GSAP: variants seen among roughly 807,000 people sequenced by gnomAD.
GSAP encodes gamma-secretase activating protein.
A neutral mutation model predicts 131.7 loss-of-function variants in GSAP; 118 were observed. The ratio of observed to expected loss-of-function variants is 0.90; its 90% CI spans 0.77 to 1.04. The LOEUF is 1.04. Among genes scored for constraint, GSAP ranks in the 50% least tolerant of loss-of-function variants. The pLI, the probability that GSAP is intolerant of heterozygous loss-of-function variation, is 0.00. For missense variants in GSAP, 1,019 were observed against 1,013.2 expected (o/e 1.01, Z -0.08); for synonymous variants, 381 against 363.4 (o/e 1.05, Z -0.55).
chr7:77,411,005 T>C (rs1180339170), intron 1 of GSAP, among the ~76,000 whole-genome samples: 1 of 139,966 alleles, frequency 7.1e-6, no homozygotes, highest in Non-Finnish European at 1.5e-5. Flanking sequence ...CTGAGTAAAA[T>C]GAAGTTAAGA....
chr7:77,334,553 T>C (rs1202811661), intron 19 of GSAP, among the ~76,000 whole-genome samples: 1 of 129,590 alleles, frequency 7.7e-6, no homozygotes, highest in Non-Finnish European at 1.6e-5. Flanking sequence ...CTGCATGTCC[T>C]GCCCATGTAT....
Position 77,404,597 on chromosome 7 carries a change from C to T in GSAP, c.205G>A (p.Val69Ile), listed in dbSNP as rs372119431. 32 of 1,550,190 alleles carry T rather than the reference C, an allele frequency of 2.1e-5. No homozygotes were observed. Among genetic ancestry groups the T allele is most frequent in the African/African-American group, 9.5e-5 (7 of 73,460 alleles). Residue 69 changes from valine to isoleucine, a missense_variant, in exon 3 of 31, where the codon GTC (valine) becomes ATC (isoleucine). By Grantham distance (29) the Val-to-Ile change is conservative. Coordinates refer to ENST00000257626, the MANE Select transcript of GSAP (RefSeq NM_017439.4). The part of the protein sequence containing the change: ...YTYKDDKGNV[V>I]FGLYDCQTRQ... Reference sequence around the variant, plus strand: ...GTTTGACAATCATATAATCCAAAGACGACATTTCCCTTATCATCCTAAAAA... The same window carrying T: ...GTTTGACAATCATATAATCCAAAGATGACATTTCCCTTATCATCCTAAAAA...
At chr7:77,340,569 T>C (rs796241240) in intron 19 of GSAP, among the ~76,000 whole-genome samples, 7 of 152,338 alleles carry the variant, frequency 4.6e-5, no homozygotes, top group Middle Eastern at 3.4e-3. Context: ...TCAATCTCCC[T>C]GTCCTTCCAA....
intron 14 of GSAP, among the ~76,000 whole-genome samples, chr7:77,358,827 A>C (rs1435256814): frequency 6.6e-6 from 1 of 152,212 alleles, no homozygotes. Flanking sequence ...CCTCTAAACA[A>C]AACACTTGAT....
chr7:77,410,465 G>C (rs1489653465), intron 1 of GSAP, among the ~76,000 whole-genome samples: 3 of 152,172 alleles, frequency 2.0e-5, no homozygotes, highest in Non-Finnish European at 4.4e-5. Context: ...AGAGGAAGAA[G>C]TTTTGCAATT....
At chr7:77,351,485 T>A (rs1319570048) in intron 18 of GSAP, 10 of 976,302 alleles carry the variant, frequency 1.0e-5, no homozygotes, top group Non-Finnish European at 1.2e-5. Flanking sequence ...CAGCTAATGA[T>A]AAGCATAGAC....
intron 3 of GSAP, among the ~76,000 whole-genome samples, chr7:77,402,587 C>G (rs1346275610): frequency 6.4e-4 from 12 of 18,728 alleles, no homozygotes; most frequent in African/African-American, 1.4e-3. Flanking sequence ...GAGTGAGACT[C>G]TGTCTCAAAA....
In GSAP at chr7:77,334,579, T is replaced by TAAAAAAAA. The variant is rs1200040086; in HGVS notation, c.1546-4213_1546-4212insTTTTTTTT. On this transcript the variant is annotated intron_variant, in intron 19 of 30. Transcript: ENST00000257626. ...GCCCATGTATCCTGGAACTTAAAAT[T>TAAAAAAAA]TAAAAAAAAAAAAAAAAAAAAAAAA... Among the ~76,000 whole-genome samples the TAAAAAAAA allele has an allele frequency of 4.0e-3, 333 of 82,336 alleles. 17 individuals are homozygous for TAAAAAAAA. The highest frequency in any genetic ancestry group is 0.013 in the African/African-American group (263 of 20,366). 54.0% of individuals were successfully genotyped at this position (82,336 alleles called of 152,430 possible). A position where few individuals can be genotyped will look rare whatever the true frequency, so the allele number is the denominator to read the frequency against.
rs564950742 is a variant in GSAP at position 77,329,437 on chromosome 7, C to T, written c.1675-46G>A. 17 of 1,115,722 alleles carry T rather than the reference C, an allele frequency of 1.5e-5. No homozygotes were observed. In the South Asian group the frequency reaches 2.0e-4, roughly 13 times the overall value. 69.1% of individuals were successfully genotyped at this position (1,115,722 alleles called of 1,614,324 possible). On this transcript the variant is annotated intron_variant, in intron 20 of 30. Transcript: ENST00000257626. ...GAAATGTGGAAGGTAAAGGTTTTAT[C>T]GGTGACTTTTCACGTCAAGGATATA...
At chr7:77,382,988 C>T (rs1798015396) in intron 6 of GSAP, among the ~76,000 whole-genome samples, 2 of 152,132 alleles carry the variant, frequency 1.3e-5, no homozygotes, top group Admixed American at 1.3e-4. Flanking sequence ...GAGTTCAAGA[C>T]CAGCCTGGGC....
Position 77,323,878 on chromosome 7 carries a change from C to A in GSAP, c.1828-136G>T, listed in dbSNP as rs918302288. 33 of 523,808 alleles carry A rather than the reference C, an allele frequency of 6.3e-5. No individual in the cohort carries two copies. In the African/African-American group the frequency reaches 6.4e-4, roughly 10 times the overall value. 32.4% of individuals were successfully genotyped at this position (523,808 alleles called of 1,614,324 possible). Reference sequence around the variant, plus strand: ...TCTGAAGGTCCCATCAATGGAAATGCATAACTCTCAGTATTTCTCTGGTGA... The same window carrying A: ...TCTGAAGGTCCCATCAATGGAAATGAATAACTCTCAGTATTTCTCTGGTGA... On this transcript the variant is annotated intron_variant, in intron 23 of 30. Coordinates refer to ENST00000257626, the MANE Select transcript of GSAP (RefSeq NM_017439.4).
At chr7:77,325,258 T>C (rs1391574205) in intron 23 of GSAP, among the ~76,000 whole-genome samples, 1 of 152,192 alleles carries the variant, frequency 6.6e-6, no homozygotes, top group Non-Finnish European at 1.5e-5. Flanking sequence ...TTAAAAACTA[T>C]GAAACTCAAA....
At chr7:77,407,742 C>T (rs1351374696) in intron 1 of GSAP, among the ~76,000 whole-genome samples, 1 of 152,116 alleles carries the variant, frequency 6.6e-6, no homozygotes. Context: ...GAACACATGA[C>T]TCAGCAACTG....
chr7:77,389,298 T>C (rs972704862), intron 5 of GSAP, among the ~76,000 whole-genome samples: 3 of 150,618 alleles, frequency 2.0e-5, no homozygotes, highest in African/African-American at 4.9e-5. Context: ...TGTATATATA[T>C]ATATATTTTT....
intron 14 of GSAP, 31 bp from the exon 15 acceptor site, chr7:77,355,678 A>C: frequency 8.3e-7 from 1 of 1,205,904 alleles, no homozygotes; most frequent in Non-Finnish European, 1.2e-6. Flanking sequence ...CATCATCTAC[A>C]TGTGGTAAAA....
At position 77,345,059 on chromosome 7, in the gene GSAP, C is replaced by T. The variant is rs184194969; in HGVS notation, c.1545+4292G>A. On this transcript the variant is annotated intron_variant, in intron 19 of 30. Transcript: ENST00000257626. Reference sequence around the variant, plus strand: ...AAAGGATAGAGCCTAAACTTGCCAACCAAGCAAGTAATTATGCTGAACCCC... The same window carrying T: ...AAAGGATAGAGCCTAAACTTGCCAATCAAGCAAGTAATTATGCTGAACCCC... 1.1e-3 allele frequency among the ~76,000 whole-genome samples: 175 copies of T among 152,302 alleles called. 1 individual carries two copies. In the Middle Eastern group the frequency reaches 0.014, roughly 12 times the overall value.
intron 12 of GSAP, among the ~76,000 whole-genome samples, chr7:77,368,324 G>A (rs761614312): frequency 6.6e-6 from 1 of 151,914 alleles, no homozygotes; most frequent in Non-Finnish European, 1.5e-5. Flanking sequence ...TGGCACTTAC[G>A]CTTCCCTGTG....
chr7:77,413,339 C>G (rs935536711), intron 1 of GSAP, among the ~76,000 whole-genome samples: 3 of 152,154 alleles, frequency 2.0e-5, no homozygotes, highest in Non-Finnish European at 4.4e-5. Context: ...TGGTCCATAC[C>G]CAAAAGGAAG....
upstream of GSAP, chr7:77,416,483 G>A: frequency 2.3e-6 from 1 of 426,970 alleles, no homozygotes; most frequent in South Asian, 5.2e-5. Flanking sequence ...AGAAGCTCCG[G>A]CACCAGCTCC....
Sources: gnomAD v4.1 joint callset for allele counts (sites outside exome capture counted in the v4.1 genomes callset) on GRCh38, gnomAD v4.1.1 for gene constraint, MANE v1.5 for transcripts, NCBI Gene and HGNC (gene_info 2026-07-23, HGNC 2026-07-21) for gene names.